The following BFSP1 variants were observed in gnomAD, a reference collection of about 807,000 sequenced individuals.
BFSP1 encodes the protein filensin.
In BFSP1, 38 loss-of-function variants were observed where a neutral mutation model predicts 43.9. The ratio of observed to expected loss-of-function variants is 0.87; its 90% CI spans 0.67 to 1.14. The LOEUF is 1.14. Among genes scored for constraint, BFSP1 ranks in the 50% most tolerant of loss-of-function variants. The pLI is 0.00. For synonymous variants in BFSP1, 352 were observed against 354.8 expected (o/e 0.99, Z 0.09); for missense variants, 850 against 875.1 (o/e 0.97, Z 0.36).
At chr20:17,558,623 T>C in intron 1 of BFSP1, 2 of 1,522,514 alleles carry the variant, frequency 1.3e-6, no homozygotes, top group Non-Finnish European at 1.8e-6. Context: ...CCTAGAGTTC[T>C]TTAAAGCAAA....
intron 1 of BFSP1, among the ~76,000 whole-genome samples, chr20:17,565,139 C>T (rs1449898131): frequency 6.6e-6 from 1 of 152,144 alleles, no homozygotes; most frequent in Non-Finnish European, 1.5e-5. Context: ...CTATTTAACA[C>T]TTATTCTGAT....
intron 5 of BFSP1, among the ~76,000 whole-genome samples, chr20:17,500,489 G>A (rs554780082): frequency 6.6e-6 from 1 of 152,326 alleles, no homozygotes; most frequent in African/African-American, 2.4e-5. Flanking sequence ...CTGTGAGGAC[G>A]CCGGCGTAAA....
In BFSP1 at chr20:17,513,676, C is replaced by T. The variant is rs114685068; in HGVS notation, c.534+1045G>A. ...GGTTGTACCCATGTTCCCACATTGT[C>T]GTAGTTTGGGTTTCCCCAGAAGCAG... is the stretch of plus-strand genomic sequence containing the variant. On this transcript the variant is annotated intron_variant, in intron 3 of 7. Transcript: ENST00000377873. Among the ~76,000 whole-genome samples, 195 of 152,332 alleles carry T rather than the reference C, an allele frequency of 1.3e-3. 1 individual carries two copies. The highest frequency in any genetic ancestry group is 4.5e-3 in the African/African-American group (189 of 41,562).
intron 4 of BFSP1, among the ~76,000 whole-genome samples, chr20:17,510,973 CT>C (rs1481710273): frequency 6.6e-6 from 1 of 150,442 alleles, no homozygotes; most frequent in East Asian, 1.9e-4. Context: ...GGTTTTTTTG[CT>C]TCTTGTTTGT....
At chr20:17,567,108 T>A (rs888504915) in intron 1 of BFSP1, among the ~76,000 whole-genome samples, 2 of 152,100 alleles carry the variant, frequency 1.3e-5, no homozygotes, top group Non-Finnish European at 2.9e-5. Context: ...TAGCATTGTA[T>A]GAAAACTCTT....
rs1336570530 is a variant in BFSP1 at position 17,494,492 on chromosome 20, C to A, written c.1580G>T (p.Gly527Val). 2 of 1,614,206 alleles carry A rather than the reference C, an allele frequency of 1.2e-6. No homozygotes were observed. The highest frequency in any genetic ancestry group is 3.3e-5 in the Admixed American group (2 of 60,022). ...TTGTCCATCTTCTTTCTCCTGCAGACCCACCTGCCCATTCTCTAAAGGGGG... is the reference window on the plus strand; with the variant it reads ...TTGTCCATCTTCTTTCTCCTGCAGAACCACCTGCCCATTCTCTAAAGGGGG... ...PKPPLENGQV[G>V]LQEKEDGQPI... The change falls in exon 8 of 8, where the codon GGT becomes GTT. Residue 527 changes from glycine to valine, a missense_variant. Gly to Val is a moderately radical substitution (Grantham distance 109, BLOSUM62 -3). Coordinates refer to ENST00000377873, the MANE Select transcript of BFSP1 (RefSeq NM_001195.5).
intron 1 of BFSP1, among the ~76,000 whole-genome samples, chr20:17,547,447 T>C (rs867081720): frequency 6.6e-5 from 10 of 152,118 alleles, no homozygotes; most frequent in Admixed American, 3.9e-4. Context: ...TGGTGTGGAT[T>C]GGAATATTTG....
Position 17,558,809 on chromosome 20 carries a change from G to A in BFSP1, c.-120C>T. ...ACCCAGGACTCCAAAACCCTCTCCAGAGGGCCAGGTCTGGGCTGAGAAAGA... is the reference window on the plus strand; with the variant it reads ...ACCCAGGACTCCAAAACCCTCTCCAAAGGGCCAGGTCTGGGCTGAGAAAGA... On this transcript the variant is annotated 5_prime_UTR_variant, in exon 1 of 8. Coordinates refer to the BFSP1 transcript ENST00000377868. 9 of 1,440,124 alleles carry A rather than the reference G, an allele frequency of 6.2e-6. No individual in the cohort carries two copies. The South Asian group carries it at 9.2e-5, about 15-fold the overall frequency. The allele number at this position is 1,440,124 out of a possible 1,614,324, so 89.2% of individuals were successfully genotyped here.
upstream of BFSP1, among the ~76,000 whole-genome samples, chr20:17,534,503 G>A (rs117095294): frequency 0.01 from 1,550 of 152,220 alleles, 14 homozygotes; most frequent in Non-Finnish European, 0.016. Flanking sequence ...AGGGTATCTT[G>A]GTTTGTCTGA....
At chr20:17,564,631 C>T (rs1357740803) in intron 1 of BFSP1, among the ~76,000 whole-genome samples, 1 of 152,144 alleles carries the variant, frequency 6.6e-6, no homozygotes, top group Non-Finnish European at 1.5e-5. Context: ...CTCTGTCACC[C>T]AGGCTAGAGT....
At chr20:17,536,115 T>C (rs1366890319), upstream of BFSP1, among the ~76,000 whole-genome samples, 1 of 152,152 alleles carries the variant, frequency 6.6e-6, no homozygotes, top group Non-Finnish European at 1.5e-5. Flanking sequence ...TATACTATGA[T>C]ATAAATAAAA....
At chr20:17,563,887 A>G (rs112059142), upstream of BFSP1, among the ~76,000 whole-genome samples, 263 of 126,926 alleles carry the variant, frequency 2.1e-3, 2 homozygotes, top group African/African-American at 5.2e-3. Context: ...ACCGTGTCTA[A>G]AAAAAAAAAA....
chr20:17,517,156 A>G (rs911454389), intron 2 of BFSP1: 95 of 801,370 alleles, frequency 1.2e-4, no homozygotes, highest in Admixed American at 4.2e-4. Flanking sequence ...CTGAAATACT[A>G]TAAGGTAGAC....
At chr20:17,562,526 C>CAAAAA (rs550158623), upstream of BFSP1, among the ~76,000 whole-genome samples, 2 of 48,016 alleles carry the variant, frequency 4.2e-5, no homozygotes, top group Admixed American at 2.9e-4. Context: ...GACTCTGTCT[C>CAAAAA]AAAAAAAAAA....
chr20:17,538,603 G>A (rs1013549580), intron 1 of BFSP1, among the ~76,000 whole-genome samples: 7 of 152,102 alleles, frequency 4.6e-5, no homozygotes, highest in African/African-American at 1.7e-4. Flanking sequence ...CCGAAATGAT[G>A]GTACGGATTT....
At chr20:17,511,641 A>G (rs560997058) in intron 4 of BFSP1, among the ~76,000 whole-genome samples, 3 of 152,182 alleles carry the variant, frequency 2.0e-5, no homozygotes, top group African/African-American at 7.2e-5. Context: ...ACCCTCACGC[A>G]TTGTGGGTGG....
At chr20:17,559,303 T>C (rs933364889), upstream of BFSP1, among the ~76,000 whole-genome samples, 1 of 152,194 alleles carries the variant, frequency 6.6e-6, no homozygotes, top group Non-Finnish European at 1.5e-5. Context: ...GCCCAAGGCC[T>C]AGAGTTTATA....
In BFSP1 at chr20:17,497,701, CATCATAT is replaced by C. The variant is rs560712809; in HGVS notation, c.957-685_957-679del. Among the ~76,000 whole-genome samples the C allele has an allele frequency of 1.3e-4, 19 of 151,058 alleles. No individual in the cohort carries two copies. The East Asian group carries it at 3.7e-3, about 29-fold the overall frequency. On this transcript the variant is annotated intron_variant, in intron 6 of 7. Transcript: ENST00000377873. Reference sequence around the variant, plus strand: ...ATATACATATACATGTACACACACACATCATATATAAATAGAGAAAAAATGATAAAGC... The same window carrying C: ...ATATACATATACATGTACACACACACATAAATAGAGAAAAAATGATAAAGC...
At position 17,508,885 on chromosome 20, in the gene BFSP1, G is replaced by A. The variant is rs368278761; in HGVS notation, c.735+4C>T. The A allele has an allele frequency of 1.7e-5, 27 of 1,578,786 alleles. No homozygotes were observed. The highest frequency in any genetic ancestry group is 9.4e-5 in the South Asian group (8 of 85,028). ...CAATGCACACGCGGCAGACTCGAGC[G>A]TACCTGTGCCTGCAGCTCCACTCTC... On this transcript the variant is annotated splice_donor_region_variant and intron_variant, in intron 5 of 7. Coordinates refer to ENST00000377873, the MANE Select transcript of BFSP1 (RefSeq NM_001195.5).
Sources: allele counts gnomAD v4.1 joint callset (sites outside exome capture counted in the v4.1 genomes callset), GRCh38; gene constraint gnomAD v4.1.1; transcripts MANE v1.5; gene names NCBI Gene and HGNC (gene_info 2026-07-23, HGNC 2026-07-21).